Variants in ARMH3 observed in about 807,000 individuals in gnomAD.
ARMH3 encodes the protein armadillo-like helical domain-containing protein 3.
In ARMH3, 60 loss-of-function variants were observed where a neutral mutation model predicts 99.1. The ratio of observed to expected loss-of-function variants is 0.61; its 90% CI spans 0.49 to 0.75. The LOEUF (loss-of-function observed/expected upper bound fraction) is 0.75. Ranked by LOEUF, ARMH3 falls within the 30% of genes least tolerant of loss-of-function variation. The pLI is 0.00. For missense variants in ARMH3, 679 were observed against 843.1 expected, an observed-to-expected ratio of 0.81 and a Z score of 2.41; for synonymous variants, 285 against 292.8, an observed-to-expected ratio of 0.97 and a Z score of 0.27.
chr10:102,002,986 A>C (rs2066400731), intron 14 of ARMH3, among the ~76,000 whole-genome samples: 1 of 151,138 alleles, frequency 6.6e-6, no homozygotes, highest in African/African-American at 2.4e-5. Context: ...TAAATAAATA[A>C]ATAAATAAAT....
chr10:102,007,052 T>C (rs919805670), intron 13 of ARMH3, among the ~76,000 whole-genome samples: 1 of 149,586 alleles, frequency 6.7e-6, no homozygotes, highest in Non-Finnish European at 1.5e-5. Context: ...TCCCAACTAC[T>C]TGGAAGGCTG....
chr10:101,985,212 A>G (rs989740486), intron 19 of ARMH3, among the ~76,000 whole-genome samples: 4 of 146,032 alleles, frequency 2.7e-5, no homozygotes, highest in South Asian at 2.1e-4. Flanking sequence ...ATACGTATAT[A>G]TGTATATATA....
At chr10:102,035,020 T>G (rs2067218080) in intron 2 of ARMH3, among the ~76,000 whole-genome samples, 1 of 152,034 alleles carries the variant, frequency 6.6e-6, no homozygotes, top group Non-Finnish European at 1.5e-5. Context: ...GTGGATCACC[T>G]GAGGTCAAGA....
chr10:101,962,790 T>C (rs559391818), intron 20 of ARMH3, among the ~76,000 whole-genome samples: 58 of 152,226 alleles, frequency 3.8e-4, no homozygotes, highest in African/African-American at 1.3e-3. Flanking sequence ...TGAAACTGTA[T>C]TGGATCCACC....
chr10:101,871,608 C>CG (rs903237437), intron 24 of ARMH3, among the ~76,000 whole-genome samples: 13 of 151,438 alleles, frequency 8.6e-5, no homozygotes, highest in Admixed American at 1.3e-4. Flanking sequence ...GAATATTTGG[C>CG]GGGGGGGAAA....
intron 23 of ARMH3, among the ~76,000 whole-genome samples, chr10:101,903,692 T>C (rs897346864): frequency 7.2e-5 from 11 of 152,210 alleles, no homozygotes; most frequent in Non-Finnish European, 1.5e-4. Flanking sequence ...AGTTAAAAAT[T>C]AGGTTCATGC....
chr10:101,889,382 C>G (rs373610777), intron 24 of ARMH3, 30 bp downstream of exon 24: 3 of 1,582,120 alleles, frequency 1.9e-6, no homozygotes, highest in African/African-American at 1.3e-5. Context: ...TAGCCACCAA[C>G]TAGGTCATCT....
intron 2 of ARMH3, among the ~76,000 whole-genome samples, chr10:102,037,537 T>C (rs1278865936): frequency 6.6e-6 from 1 of 152,028 alleles, no homozygotes; most frequent in Non-Finnish European, 1.5e-5. Context: ...TCTGGCCTTC[T>C]CACAACGTCC....
At chr10:102,014,551 T>C (rs540337894) in intron 8 of ARMH3, among the ~76,000 whole-genome samples, 1 of 152,298 alleles carries the variant, frequency 6.6e-6, no homozygotes, top group South Asian at 2.1e-4. Flanking sequence ...CAAAGCCACC[T>C]TGGGGTGGAA....
rs749658855 is a variant in ARMH3 at position 102,033,284 on chromosome 10, T to C, written c.158A>G (p.Lys53Arg). 1.2e-6 allele frequency: 2 copies of C among 1,614,112 alleles called. No homozygotes were observed. The highest frequency in any genetic ancestry group is 1.7e-6 in the Non-Finnish European group (2 of 1,180,012). Residue 53 changes from lysine (K) to arginine (R), a missense_variant and splice_region_variant, in exon 3 of 26, where the codon AAG becomes AGG. Coordinates refer to ENST00000370033, the MANE Select transcript of ARMH3 (RefSeq NM_024541.3). ...PRFWEELFLM[K>R]VNLEYLEGKL... ...TCCACAGATGCCACCAACTCTTACC[T>C]TCATGAGAAAGAGCTCCTCCCAAAA...
At position 101,990,556 on chromosome 10, in the gene ARMH3, G is replaced by C. The variant is rs947935144; in HGVS notation, c.1401C>G (p.Leu467=). The C allele has an allele frequency of 9.5e-6, 15 of 1,581,048 alleles. No homozygotes were observed. The highest frequency in any genetic ancestry group is 1.2e-5 in the Non-Finnish European group (14 of 1,150,386). The change falls in exon 19 of 26, where the codon CTC becomes CTG. Residue 467 remains leucine (L), a synonymous_variant. Coordinates refer to ENST00000370033, the MANE Select transcript of ARMH3 (RefSeq NM_024541.3). ...THMMKEFPMD[L]YIRCIQVVHK... ...GTGTACATATTTGTACTTACATATA[G>C]AGATCCATAGGAAACTCCTTCATCA...
At chr10:101,862,707 TA>T (rs893733974) in intron 24 of ARMH3, among the ~76,000 whole-genome samples, 81 of 136,364 alleles carry the variant, frequency 5.9e-4, no homozygotes, top group African/African-American at 1.2e-3. Context: ...AATGAAATCA[TA>T]AAAAAAAAAC....
intron 5 of ARMH3, chr10:102,029,423 C>T (rs2067073266): frequency 7.2e-6 from 11 of 1,527,672 alleles, no homozygotes; most frequent in Non-Finnish European, 9.7e-6. Flanking sequence ...CTTTATCCCG[C>T]AGGGAAAGAA....
chr10:102,022,471 G>C (rs796379362), intron 8 of ARMH3, among the ~76,000 whole-genome samples: 1 of 126,622 alleles, frequency 7.9e-6, no homozygotes, highest in Non-Finnish European at 1.6e-5. Context: ...CAGCCTGGGC[G>C]ACAGAGCGAG....
At chr10:101,978,417 C>T (rs184748820) in intron 19 of ARMH3, among the ~76,000 whole-genome samples, 27 of 152,268 alleles carry the variant, frequency 1.8e-4, no homozygotes, top group Non-Finnish European at 3.4e-4. Context: ...AGTACAACCA[C>T]TTTGGAAAAG....
chr10:101,853,332 C>T (rs1487989127), intron 24 of ARMH3, among the ~76,000 whole-genome samples: 1 of 152,186 alleles, frequency 6.6e-6, no homozygotes, highest in Non-Finnish European at 1.5e-5. Flanking sequence ...ATTCTAGGCT[C>T]AGGCCTGGGC....
chr10:101,962,309 T>A (rs1057470738), intron 20 of ARMH3, among the ~76,000 whole-genome samples: 1 of 152,030 alleles, frequency 6.6e-6, no homozygotes, highest in African/African-American at 2.4e-5. Context: ...AAGAGACACA[T>A]CACAGAGGAA....
intron 23 of ARMH3, among the ~76,000 whole-genome samples, chr10:101,935,132 A>C (rs1226657818): frequency 6.7e-6 from 1 of 149,296 alleles, no homozygotes; most frequent in Non-Finnish European, 1.5e-5. Context: ...GAAGCAGCTG[A>C]AGCAACAATT....
chr10:102,010,073 G>A (rs2066597915), intron 11 of ARMH3, 50 bp from the exon 12 acceptor site: 2 of 1,554,660 alleles, frequency 1.3e-6, no homozygotes, highest in South Asian at 2.2e-5. Flanking sequence ...GATATGAGAG[G>A]AGCTTTATGC....
Sources: gnomAD v4.1 joint callset for allele counts (sites outside exome capture counted in the v4.1 genomes callset) on GRCh38, gnomAD v4.1.1 for gene constraint, MANE v1.5 for transcripts, NCBI Gene and HGNC (gene_info 2026-07-23, HGNC 2026-07-21) for gene names.